The following PTPRJ variants were observed in gnomAD, a reference collection of about 807,000 sequenced individuals.
The protein encoded by PTPRJ is protein tyrosine phosphatase receptor type J.
PTPRJ carries 129 observed loss-of-function variants against 141.3 expected under a neutral mutation model. The ratio of observed to expected loss-of-function variants is 0.91; its 90% CI spans 0.79 to 1.06. PTPRJ has a LOEUF of 1.06. Ranked by LOEUF, PTPRJ falls within the 50% of genes least tolerant of loss-of-function variation. PTPRJ has a pLI of 0.00. For missense variants in PTPRJ, 1,601 were observed against 1,679.7 expected (o/e 0.95, Z 0.82); for synonymous variants, 610 against 640.5 (o/e 0.95, Z 0.72).
At chr11:47,983,598 G>T (rs773110150) in intron 1 of PTPRJ, among the ~76,000 whole-genome samples, 1 of 152,180 alleles carries the variant, frequency 6.6e-6, no homozygotes, top group Non-Finnish European at 1.5e-5. Context: ...CAGGAAGGAC[G>T]GTCAGAGATG....
Position 48,121,074 on chromosome 11 carries a change from A to T in PTPRJ, c.424A>T (p.Asn142Tyr), listed in dbSNP as rs1191890865. The T allele has an allele frequency of 1.2e-6, 2 of 1,613,766 alleles. No individual in the cohort carries two copies. The highest frequency in any genetic ancestry group is 1.7e-6 in the Non-Finnish European group (2 of 1,179,832). ...CAATGTGATCTTAACTTGGAAAAGT[A>T]ATGACACAGCTGCTTCTGAGTACAA... ...PTNVILTWKS[N>Y]DTAASEYKYV... Residue 142 changes from asparagine to tyrosine, a missense_variant, in exon 4 of 25, where the codon AAT (asparagine) becomes TAT (tyrosine). Transcript: ENST00000418331.
intron 3 of PTPRJ, among the ~76,000 whole-genome samples, chr11:48,114,039 CAT>C (rs566638991): frequency 8.9e-4 from 135 of 152,266 alleles, no homozygotes; most frequent in African/African-American, 3.1e-3. Flanking sequence ...TCATAAAAAA[CAT>C]TGTGATACAA....
chr11:47,981,133 T>C, intron 1 of PTPRJ, 125 bp downstream of exon 1: 4 of 996,108 alleles, frequency 4.0e-6, no homozygotes, highest in Non-Finnish European at 5.0e-6. Flanking sequence ...GATCCCCGGA[T>C]CCCCGGAAGG....
chr11:48,034,910 A>G (rs1265728689), intron 1 of PTPRJ, among the ~76,000 whole-genome samples: 2 of 152,242 alleles, frequency 1.3e-5, no homozygotes, highest in Non-Finnish European at 2.9e-5. Flanking sequence ...GAGAATCTTC[A>G]TCCCCGCAAG....
Position 48,069,445 on chromosome 11 carries a change from A to ATTT in PTPRJ, c.97-40594_97-40592dup, listed in dbSNP as rs35405916. Among the ~76,000 whole-genome samples, 14 of 121,314 alleles carry ATTT rather than the reference A, an allele frequency of 1.2e-4. 5 individuals carry two copies. Among genetic ancestry groups the ATTT allele is most frequent in the South Asian group, 2.6e-4 (1 of 3,838 alleles). The allele number at this position is 121,314 out of a possible 152,430, so 79.6% of individuals were successfully genotyped here. A position where few individuals can be genotyped will look rare whatever the true frequency, so the allele number is the denominator to read the frequency against. The stretch of plus-strand genomic sequence containing the variant: ...GGCTGTGATAAAAACTACATTGATA[A>ATTT]TTTTTTTTTTTTTTTTTTTTTGGAG... On this transcript the variant is annotated intron_variant, in intron 1 of 24. Coordinates refer to ENST00000418331, the MANE Select transcript of PTPRJ (RefSeq NM_002843.4).
intron 1 of PTPRJ, among the ~76,000 whole-genome samples, chr11:48,103,959 G>A (rs1019229634): frequency 6.6e-6 from 1 of 152,192 alleles, no homozygotes; most frequent in Non-Finnish European, 1.5e-5. Context: ...GTTGGTTCTC[G>A]TTCCTTCCAC....
At chr11:47,982,912 A>G (rs1377316437) in intron 1 of PTPRJ, among the ~76,000 whole-genome samples, 1 of 151,160 alleles carries the variant, frequency 6.6e-6, no homozygotes, top group Non-Finnish European at 1.5e-5. Flanking sequence ...TTTTTTGGAC[A>G]CATTATGAAA....
intron 1 of PTPRJ, among the ~76,000 whole-genome samples, chr11:48,070,118 TTGGGCATCCAATAAAATA>T (rs1855206301): frequency 6.6e-6 from 1 of 152,180 alleles, no homozygotes; most frequent in African/African-American, 2.4e-5. Flanking sequence ...ATATCTTTGG[TTGGGCATCCAATAAAATA>T]TGGTATTTAG....
At chr11:48,024,455 TC>T (rs1276653406) in intron 1 of PTPRJ, among the ~76,000 whole-genome samples, 6 of 152,062 alleles carry the variant, frequency 3.9e-5, no homozygotes, top group Non-Finnish European at 7.4e-5. Context: ...GCCTTGCCCT[TC>T]CAAAGTGCTG....
At chr11:48,060,113 C>T (rs964953134) in intron 1 of PTPRJ, among the ~76,000 whole-genome samples, 1 of 152,102 alleles carries the variant, frequency 6.6e-6, no homozygotes, top group African/African-American at 2.4e-5. Context: ...TGTAATACAT[C>T]ACACTTTCGA....
In PTPRJ at chr11:48,056,525, A is replaced by G. The variant is rs376824932; in HGVS notation, c.97-53533A>G. On this transcript the variant is annotated intron_variant, in intron 1 of 24. Transcript: ENST00000418331. ...GCGGCAGTTTGGCGTGGCACTAATA[A>G]TGATGATGGTGACAGTTTCACTGAG... Among the ~76,000 whole-genome samples, 4 of 152,240 alleles carry G rather than the reference A, an allele frequency of 2.6e-5. No homozygotes were observed. The East Asian group carries it at 5.8e-4, about 22-fold the overall frequency.
intron 1 of PTPRJ, among the ~76,000 whole-genome samples, chr11:48,100,125 G>C (rs1856116374): frequency 6.6e-6 from 1 of 152,154 alleles, no homozygotes; most frequent in Non-Finnish European, 1.5e-5. Flanking sequence ...TGGAGGTGGG[G>C]TGGCTGCCTT....
intron 1 of PTPRJ, among the ~76,000 whole-genome samples, chr11:48,019,804 G>A (rs1855061683): frequency 6.6e-6 from 1 of 152,216 alleles, no homozygotes; most frequent in African/African-American, 2.4e-5. Flanking sequence ...CACAGCGATA[G>A]GCTGGGGTAG....
intron 1 of PTPRJ, among the ~76,000 whole-genome samples, chr11:48,066,299 C>T (rs1455526693): frequency 6.6e-6 from 1 of 152,092 alleles, no homozygotes; most frequent in Non-Finnish European, 1.5e-5. Flanking sequence ...AGTGTAAACA[C>T]AAGGGATGTC....
intron 1 of PTPRJ, among the ~76,000 whole-genome samples, chr11:48,021,372 C>T (rs1855114456): frequency 7.4e-6 from 1 of 134,482 alleles, no homozygotes; most frequent in African/African-American, 2.7e-5. Context: ...AAGACTCCGT[C>T]CCTAAAATAA....
intron 1 of PTPRJ, among the ~76,000 whole-genome samples, chr11:48,101,506 T>A (rs1590503801): frequency 3.9e-5 from 6 of 152,378 alleles, no homozygotes; most frequent in Middle Eastern, 6.8e-3. Context: ...CTTGGCTTTC[T>A]GGCCAGAGTG....
intron 1 of PTPRJ, among the ~76,000 whole-genome samples, chr11:47,985,578 G>A (rs1391570752): frequency 6.6e-6 from 1 of 152,196 alleles, no homozygotes; most frequent in African/African-American, 2.4e-5. Context: ...GCGGAGCCAG[G>A]GCTGATGTCT....
intron 1 of PTPRJ, among the ~76,000 whole-genome samples, chr11:48,104,875 C>T (rs1191247720): frequency 6.6e-6 from 1 of 152,044 alleles, no homozygotes; most frequent in African/African-American, 2.4e-5. Flanking sequence ...CTTCAGGGTC[C>T]GATTGACCTT....
intron 1 of PTPRJ, among the ~76,000 whole-genome samples, chr11:48,021,074 C>T (rs1855106016): frequency 6.6e-6 from 1 of 152,178 alleles, no homozygotes; most frequent in Admixed American, 6.5e-5. Context: ...GCCCAGAACC[C>T]TTAACAAAAG....
Sources: gnomAD v4.1 joint callset for allele counts (sites outside exome capture counted in the v4.1 genomes callset) on GRCh38, gnomAD v4.1.1 for gene constraint, MANE v1.5 for transcripts, NCBI Gene and HGNC (gene_info 2026-07-23, HGNC 2026-07-21) for gene names.